TCF4: variants seen among roughly 807,000 people sequenced by gnomAD.
TCF4 encodes transcription factor 4.
A neutral mutation model predicts 82.1 loss-of-function variants in TCF4; 3 were observed. The observed-to-expected ratio is 0.04, with a 90% CI of 0.02 to 0.09. The LOEUF (loss-of-function observed/expected upper bound fraction) is 0.09, where lower values mean the gene tolerates loss of function less well. TCF4 is among the 10% of genes least tolerant of loss of function. The pLI, the probability that TCF4 is intolerant of heterozygous loss-of-function variation, is 1.00. For missense variants in TCF4, 518 were observed against 852.7 expected (o/e 0.61, Z 4.89); for synonymous variants, 276 against 309.6 (o/e 0.89, Z 1.14).
intron 8 of TCF4, among the ~76,000 whole-genome samples, chr18:55,347,401 C>G (rs61602415): frequency 0.053 from 8,024 of 152,198 alleles, 263 homozygotes; most frequent in African/African-American, 0.093. Context: ...AGGCTTCCCC[C>G]CGACACGCTG....
intron 8 of TCF4, among the ~76,000 whole-genome samples, chr18:55,341,142 GC>G (rs2079859165): frequency 6.6e-6 from 1 of 152,172 alleles, no homozygotes; most frequent in Non-Finnish European, 1.5e-5. Flanking sequence ...GCTGTAGAGA[GC>G]TTTTTGGTCT....
intron 8 of TCF4, among the ~76,000 whole-genome samples, chr18:55,285,149 C>T (rs2063414744): frequency 6.6e-6 from 1 of 152,246 alleles, no homozygotes; most frequent in South Asian, 2.1e-4. Context: ...ATCCATAAAG[C>T]AAGGAGAAGA....
chr18:55,415,388 A>C (rs2094490411), intron 5 of TCF4, among the ~76,000 whole-genome samples: 1 of 152,016 alleles, frequency 6.6e-6, no homozygotes, highest in Non-Finnish European at 1.5e-5. Context: ...AACAAAAAAC[A>C]AAAAAAACCC....
chr18:55,379,842 C>A (rs571450606), intron 6 of TCF4, among the ~76,000 whole-genome samples: 59 of 152,166 alleles, frequency 3.9e-4, no homozygotes, highest in African/African-American at 1.3e-3. Context: ...AAGATCAGGA[C>A]CAGAATGGCT....
chr18:55,368,222 C>T (rs925493683), intron 6 of TCF4, among the ~76,000 whole-genome samples: 1 of 152,108 alleles, frequency 6.6e-6, no homozygotes, highest in Non-Finnish European at 1.5e-5. Flanking sequence ...CCCGACTCTA[C>T]TAAAAATACA....
At chr18:55,454,976 C>G (rs1416505419) in intron 5 of TCF4, among the ~76,000 whole-genome samples, 1 of 151,960 alleles carries the variant, frequency 6.6e-6, no homozygotes, top group African/African-American at 2.4e-5. Flanking sequence ...CACTTCAGGT[C>G]AGGAGTTCAA....
At chr18:55,485,425 T>C (rs1309565312) in intron 3 of TCF4, among the ~76,000 whole-genome samples, 1 of 152,148 alleles carries the variant, frequency 6.6e-6, no homozygotes, top group Non-Finnish European at 1.5e-5. Context: ...ACTTCATCTA[T>C]CCAACGGCAA....
At chr18:55,532,508 G>A (rs926195940) in intron 3 of TCF4, among the ~76,000 whole-genome samples, 3 of 152,174 alleles carry the variant, frequency 2.0e-5, no homozygotes, top group Non-Finnish European at 2.9e-5. Context: ...ATAGAAAACC[G>A]TAATATGACC....
intron 12 of TCF4, 31 bp from the exon 13 acceptor site, chr18:55,260,058 C>A (rs767552180): frequency 1.4e-6 from 2 of 1,473,984 alleles, no homozygotes; most frequent in Non-Finnish European, 1.9e-6. Flanking sequence ...AAAAAAACAC[C>A]CTCATTCATT....
At chr18:55,525,306 T>C (rs35018738) in intron 3 of TCF4, among the ~76,000 whole-genome samples, 4 of 152,226 alleles carry the variant, frequency 2.6e-5, no homozygotes, top group Admixed American at 6.5e-5. Context: ...GATTTTTTTT[T>C]CCTGAAGGTT....
chr18:55,491,367 G>A (rs765739331), intron 3 of TCF4, among the ~76,000 whole-genome samples: 6 of 152,084 alleles, frequency 3.9e-5, no homozygotes, highest in East Asian at 1.9e-4. Context: ...ACAGCAATCC[G>A]CAGGCACCTG....
intron 15 of TCF4, among the ~76,000 whole-genome samples, chr18:55,243,352 C>T (rs1427678191): frequency 6.6e-6 from 1 of 152,122 alleles, no homozygotes; most frequent in South Asian, 2.1e-4. Flanking sequence ...GTGAACAACA[C>T]AGGGCATTTT....
chr18:55,310,155 T>A (rs1401295758), intron 8 of TCF4, among the ~76,000 whole-genome samples: 1 of 152,124 alleles, frequency 6.6e-6, no homozygotes, highest in African/African-American at 2.4e-5. Context: ...AACACATCAG[T>A]GTGATTTTAC....
At chr18:55,256,218 A>C (rs1319862466) in intron 14 of TCF4, among the ~76,000 whole-genome samples, 1 of 152,148 alleles carries the variant, frequency 6.6e-6, no homozygotes, top group Non-Finnish European at 1.5e-5. Context: ...TCTCTTCTTC[A>C]GTGTTCAGAA....
intron 3 of TCF4, among the ~76,000 whole-genome samples, chr18:55,576,192 A>C (rs2097526734): frequency 6.6e-6 from 1 of 151,820 alleles, no homozygotes; most frequent in South Asian, 2.1e-4. Context: ...CTTACCAGCA[A>C]ACATTGCAAA....
At chr18:55,459,577 G>C (rs979810708) in intron 5 of TCF4, among the ~76,000 whole-genome samples, 1 of 152,172 alleles carries the variant, frequency 6.6e-6, no homozygotes, top group African/African-American at 2.4e-5. Flanking sequence ...CTAAGTGGTT[G>C]TGTGGAGATG....
intron 6 of TCF4, among the ~76,000 whole-genome samples, chr18:55,394,470 AAAATG>A (rs1321585220): frequency 6.6e-6 from 1 of 152,176 alleles, no homozygotes; most frequent in African/African-American, 2.4e-5. Context: ...AAAGGAGAGG[AAAATG>A]GAGATAAAGG....
intron 8 of TCF4, among the ~76,000 whole-genome samples, chr18:55,305,066 C>T (rs1277477331): frequency 2.0e-5 from 3 of 152,100 alleles, no homozygotes; most frequent in Non-Finnish European, 4.4e-5. Flanking sequence ...GATGTCAGTA[C>T]CCATTAATAA....
At chr18:55,420,802 A>G (rs970822063) in intron 5 of TCF4, among the ~76,000 whole-genome samples, 2 of 152,136 alleles carry the variant, frequency 1.3e-5, no homozygotes, top group Non-Finnish European at 2.9e-5. Context: ...GGTTTTGACA[A>G]TAACAGCAAA....
Sources: allele counts gnomAD v4.1 joint callset (sites outside exome capture counted in the v4.1 genomes callset), GRCh38; gene constraint gnomAD v4.1.1; transcripts MANE v1.5; gene names NCBI Gene and HGNC (gene_info 2026-07-23, HGNC 2026-07-21).